Variants in AGPAT2 observed in about 807,000 individuals in gnomAD.
AGPAT2 encodes 1-acylglycerol-3-phosphate O-acyltransferase 2, also known as 1-acyl-sn-glycerol-3-phosphate acyltransferase beta.
A neutral mutation model predicts 26.1 loss-of-function variants in AGPAT2; 18 were observed. That is an observed-to-expected ratio of 0.69 (90% CI 0.48 to 1.02). AGPAT2 has a LOEUF of 1.02. Ranked by LOEUF, AGPAT2 falls within the 50% of genes least tolerant of loss-of-function variation. AGPAT2 has a pLI of 0.00. For missense variants in AGPAT2, 415 were observed against 394.9 expected (o/e 1.05, Z -0.43); for synonymous variants, 200 against 174.2 (o/e 1.15, Z -1.16).
At chr9:136,682,581 C>T (rs1041550166) in intron 1 of AGPAT2, among the ~76,000 whole-genome samples, 8 of 152,224 alleles carry the variant, frequency 5.3e-5, no homozygotes, top group African/African-American at 1.4e-4. Flanking sequence ...CACTGCCAGG[C>T]GGGTGACTTG....
chr9:136,677,804 G>A (rs758402257), intron 1 of AGPAT2, among the ~76,000 whole-genome samples: 5 of 152,200 alleles, frequency 3.3e-5, no homozygotes, highest in East Asian at 1.9e-4. Context: ...TCTGGAACTC[G>A]GATGCTAGGA....
rs1039011011 is a variant in AGPAT2 at position 136,673,475 on chromosome 9, G to C, written c.*277C>G. On this transcript the variant is annotated 3_prime_UTR_variant, in exon 6 of 6. Transcript: ENST00000371696. Reference sequence around the variant, plus strand: ...CTCAGCCCACCAGCGGGCCACAGCCGCAAGCCTCATCTTTATCATCCCAGC... The same window carrying C: ...CTCAGCCCACCAGCGGGCCACAGCCCCAAGCCTCATCTTTATCATCCCAGC... 1.2e-5 allele frequency: 4 copies of C among 341,256 alleles called. No homozygotes were observed. Among genetic ancestry groups the C allele is most frequent in the African/African-American group, 8.5e-5 (4 of 47,138 alleles). The allele number at this position is 341,256 out of a possible 1,614,324, so 21.1% of individuals were successfully genotyped here. A position where few individuals can be genotyped will look rare whatever the true frequency, so the allele number is the denominator to read the frequency against.
intron 4 of AGPAT2, 32 bp downstream of exon 4, chr9:136,676,553 C>T (rs576722894): frequency 3.3e-5 from 53 of 1,582,230 alleles, no homozygotes; most frequent in Non-Finnish European, 4.2e-5. Context: ...CCCCAGCCTG[C>T]ACCCACCCAG....
intron 3 of AGPAT2, 137 bp from the exon 4 acceptor site, chr9:136,676,817 G>A (rs754552969): frequency 1.4e-5 from 18 of 1,257,496 alleles, no homozygotes; most frequent in Middle Eastern, 2.2e-4. Context: ...GATGATGTAG[G>A]GGTCTGGCGT....
chr9:136,673,655 G>T lies in AGPAT2; in HGVS notation c.*97C>A. On this transcript the variant is annotated 3_prime_UTR_variant, in exon 6 of 6. Coordinates refer to ENST00000371696, the MANE Select transcript of AGPAT2 (RefSeq NM_006412.4). Reference sequence around the variant, plus strand: ...GAGTGAGAGCTGGGGGAGCCGGACAGAGTGGTATTTGGAAGCCGGGAGGAG... The same window carrying T: ...GAGTGAGAGCTGGGGGAGCCGGACATAGTGGTATTTGGAAGCCGGGAGGAG... 1 of 1,320,380 alleles carries T rather than the reference G, an allele frequency of 7.6e-7. No homozygotes were observed. The highest frequency in any genetic ancestry group is 1.0e-6 in the Non-Finnish European group (1 of 984,150). The allele number at this position is 1,320,380 out of a possible 1,614,324, so 81.8% of individuals were successfully genotyped here.
chr9:136,676,917 CAG>C, intron 3 of AGPAT2, 42 bp downstream of exon 3: 43 of 1,449,844 alleles, frequency 3.0e-5, no homozygotes, highest in East Asian at 4.6e-5. Flanking sequence ...TGGCCCCGCC[CAG>C]GCCCCACCCC....
chr9:136,674,600 C>T, intron 5 of AGPAT2, 135 bp downstream of exon 5: 1 of 554,096 alleles, frequency 1.8e-6, no homozygotes, highest in Non-Finnish European at 2.9e-6. Context: ...CAGCCTGAGT[C>T]ACTCATTCGC....
chr9:136,685,327 G>A (rs1248499946), intron 1 of AGPAT2, among the ~76,000 whole-genome samples: 1 of 152,234 alleles, frequency 6.6e-6, no homozygotes, highest in Admixed American at 6.5e-5. Context: ...GAATCTCCAA[G>A]CTGAGATGGG....
chr9:136,681,328 C>T (rs1846158042), intron 1 of AGPAT2, among the ~76,000 whole-genome samples: 1 of 152,176 alleles, frequency 6.6e-6, no homozygotes, highest in South Asian at 2.1e-4. Flanking sequence ...ACTCTGCAGC[C>T]CACAGTGTGG....
At chr9:136,680,966 T>G (rs1475539458) in intron 1 of AGPAT2, among the ~76,000 whole-genome samples, 3 of 152,062 alleles carry the variant, frequency 2.0e-5, no homozygotes, top group African/African-American at 7.2e-5. Flanking sequence ...CGCCGAGCCC[T>G]CCTCTGTTTT....
At chr9:136,681,446 G>A (rs1846159879) in intron 1 of AGPAT2, among the ~76,000 whole-genome samples, 2 of 152,350 alleles carry the variant, frequency 1.3e-5, no homozygotes, top group African/African-American at 2.4e-5. Flanking sequence ...CACTTCCCCC[G>A]CGGTGTCCCG....
Position 136,676,552 on chromosome 9 carries a change from G to T in AGPAT2, c.588+33C>A, listed in dbSNP as rs1424486345. 3.2e-6 allele frequency: 5 copies of T among 1,579,254 alleles called. No individual in the cohort carries two copies. In the South Asian group the frequency reaches 3.3e-5, roughly 10 times the overall value. On this transcript the variant is annotated intron_variant, in intron 4 of 5. Coordinates refer to ENST00000371696, the MANE Select transcript of AGPAT2 (RefSeq NM_006412.4). ...CAGCCTGACCCCGCCTCCCCAGCCT[G>T]CACCCACCCAGGGAGGGCTGGGCTC...
Position 136,674,740 on chromosome 9 carries a change from G to A in AGPAT2, c.656C>T (p.Thr219Ile), listed in dbSNP as rs1412078301. 1 of 1,499,354 alleles carries A rather than the reference G, an allele frequency of 6.7e-7. No homozygotes were observed. Among genetic ancestry groups the A allele is most frequent in the Admixed American group, 2.1e-5 (1 of 47,194 alleles). The allele number at this position is 1,499,354 out of a possible 1,614,324, so 92.9% of individuals were successfully genotyped here. A position where few individuals can be genotyped will look rare whatever the true frequency, so the allele number is the denominator to read the frequency against. ...GTGCACACATGTGGGGGTACCTGAA[G>A]TGAAGAACTTCTTCTTGGTGTTGTA... is the stretch of plus-strand genomic sequence containing the variant. ...SFYNTKKKFF[T>I]SGTVTVQVLE... is the part of the protein sequence containing the mutation. The change falls in exon 5 of 6, where the codon ACT (threonine) becomes ATT (isoleucine). Residue 219 changes from threonine (T) to isoleucine (I), a missense_variant. Coordinates refer to ENST00000371696, the MANE Select transcript of AGPAT2 (RefSeq NM_006412.4).
At chr9:136,674,265 TG>T (rs1328322349) in intron 5 of AGPAT2, among the ~76,000 whole-genome samples, 1 of 152,236 alleles carries the variant, frequency 6.6e-6, no homozygotes. Context: ...GAGATGGAGC[TG>T]GGTTCCCCCA....
rs1846035417 is a variant in AGPAT2, at chr9:136,673,409, G to A, written c.*343C>T. The A allele has an allele frequency of 4.6e-6, 1 of 217,346 alleles. No individual in the cohort carries two copies. The highest frequency in any genetic ancestry group is 9.1e-6 in the Non-Finnish European group (1 of 110,078). 13.5% of individuals were successfully genotyped at this position (217,346 alleles called of 1,614,324 possible). A position where few individuals can be genotyped will look rare whatever the true frequency, so the allele number is the denominator to read the frequency against. On this transcript the variant is annotated 3_prime_UTR_variant, in exon 6 of 6. Transcript: ENST00000371696. ...CTCGGACAGTGTGCGTCTGGCCTCGGGGTCCTCCCATCTGCTCCTGGGCCA... is the reference window on the plus strand; with the variant it reads ...CTCGGACAGTGTGCGTCTGGCCTCGAGGTCCTCCCATCTGCTCCTGGGCCA...
chr9:136,687,418 C>T lies in AGPAT2; in HGVS notation c.-61G>A. 1 of 1,351,410 alleles carries T rather than the reference C, an allele frequency of 7.4e-7. No individual in the cohort carries two copies. The highest frequency in any genetic ancestry group is 9.5e-7 in the Non-Finnish European group (1 of 1,053,168). 83.7% of individuals were successfully genotyped at this position (1,351,410 alleles called of 1,614,324 possible). A position where few individuals can be genotyped will look rare whatever the true frequency, so the allele number is the denominator to read the frequency against. On this transcript the variant is annotated 5_prime_UTR_variant, in exon 1 of 6. Transcript: ENST00000371696. ...CTCCCGCTCCCGCTCCCGCTTCTCC[C>T]CCGCGCGCTCAGGCCCCTTATTGCG...
intron 1 of AGPAT2, among the ~76,000 whole-genome samples, chr9:136,685,295 C>T (rs148177603): frequency 1.5e-4 from 23 of 152,330 alleles, no homozygotes; most frequent in Admixed American, 3.9e-4. Flanking sequence ...GCCCCAGGTC[C>T]CGAGGACACC....
At chr9:136,678,370 G>A (rs951550707) in intron 1 of AGPAT2, among the ~76,000 whole-genome samples, 3 of 152,184 alleles carry the variant, frequency 2.0e-5, no homozygotes, top group African/African-American at 7.2e-5. Context: ...AGGGGTACCC[G>A]AAGACTCTGA....
At chr9:136,680,594 G>A (rs919003967) in intron 1 of AGPAT2, among the ~76,000 whole-genome samples, 4 of 152,174 alleles carry the variant, frequency 2.6e-5, no homozygotes, top group Non-Finnish European at 5.9e-5. Flanking sequence ...GGAAACTGGT[G>A]AGGGCCACAT....
Sources: gnomAD v4.1 joint callset for allele counts (sites outside exome capture counted in the v4.1 genomes callset) on GRCh38, gnomAD v4.1.1 for gene constraint, MANE v1.5 for transcripts, NCBI Gene and HGNC (gene_info 2026-07-23, HGNC 2026-07-21) for gene names.